Variants in SRBD1 observed in about 807,000 individuals in gnomAD.
SRBD1 encodes S1 RNA binding domain 1, also known as S1 RNA-binding domain-containing protein 1.
A neutral mutation model predicts 115.3 loss-of-function variants in SRBD1; 88 were observed. The observed-to-expected ratio is 0.76, with a 90% CI of 0.64 to 0.91. SRBD1 has a LOEUF of 0.91. Among genes scored for constraint, SRBD1 ranks in the 40% least tolerant of loss-of-function variants. SRBD1 has a pLI of 0.00. For synonymous variants in SRBD1, 509 were observed against 407.7 expected (o/e 1.25, Z -2.99); for missense variants, 1,385 against 1,177.4 (o/e 1.18, Z -2.58).
chr2:45,556,323 G>C (rs747435770), intron 10 of SRBD1, among the ~76,000 whole-genome samples: 4 of 151,844 alleles, frequency 2.6e-5, no homozygotes, highest in South Asian at 2.1e-4. Flanking sequence ...CAAATGTATG[G>C]CACAATAAAT....
intron 4 of SRBD1, among the ~76,000 whole-genome samples, chr2:45,591,246 C>A (rs1397737639): frequency 6.6e-6 from 1 of 152,136 alleles, no homozygotes; most frequent in African/African-American, 2.4e-5. Context: ...AGATTGATAA[C>A]CTAGTTCATC....
intron 2 of SRBD1, among the ~76,000 whole-genome samples, chr2:45,602,712 A>C (rs555848387): frequency 2.8e-4 from 43 of 152,058 alleles, no homozygotes; most frequent in African/African-American, 9.1e-4. Flanking sequence ...GAGAAAAAGC[A>C]GCCATGGGAA....
intron 7 of SRBD1, among the ~76,000 whole-genome samples, chr2:45,576,628 A>C (rs1673187071): frequency 6.6e-6 from 1 of 152,208 alleles, no homozygotes; most frequent in African/African-American, 2.4e-5. Context: ...AATGGACTTA[A>C]AACAGCTATA....
chr2:45,498,025 G>T (rs963085572), intron 14 of SRBD1, among the ~76,000 whole-genome samples: 5 of 152,104 alleles, frequency 3.3e-5, no homozygotes, highest in Admixed American at 2.6e-4. Context: ...CTACCTAGGT[G>T]CAATGAATGA....
intron 16 of SRBD1, among the ~76,000 whole-genome samples, chr2:45,436,074 A>G (rs1424307146): frequency 1.3e-5 from 2 of 152,186 alleles, no homozygotes; most frequent in African/African-American, 4.8e-5. Context: ...AATATAATAT[A>G]TCTCAGGTAT....
intron 14 of SRBD1, among the ~76,000 whole-genome samples, chr2:45,489,657 A>C (rs558802295): frequency 7.2e-5 from 11 of 152,314 alleles, no homozygotes; most frequent in Non-Finnish European, 5.9e-5. Context: ...ACACAAAGCA[A>C]AAAAACACTT....
chr2:45,479,855 A>G (rs1040459085), intron 15 of SRBD1, among the ~76,000 whole-genome samples: 1 of 152,208 alleles, frequency 6.6e-6, no homozygotes, highest in African/African-American at 2.4e-5. Context: ...GGCTTCAAAG[A>G]TTCAAAAGAC....
intron 16 of SRBD1, among the ~76,000 whole-genome samples, chr2:45,428,003 A>C (rs1373756315): frequency 1.3e-5 from 2 of 152,212 alleles, no homozygotes; most frequent in Admixed American, 1.3e-4. Flanking sequence ...AGCAGACCTA[A>C]TAGACATCTA....
At position 45,498,071 on chromosome 2, in the gene SRBD1, C is replaced by T. The variant is rs955510313; in HGVS notation, c.1875-9740G>A. Among the ~76,000 whole-genome samples the T allele has an allele frequency of 3.3e-5, 5 of 152,268 alleles. No homozygotes were observed. In the East Asian group the frequency reaches 9.6e-4, roughly 29 times the overall value. On this transcript the variant is annotated intron_variant, in intron 14 of 20. Coordinates refer to ENST00000263736, the MANE Select transcript of SRBD1 (RefSeq NM_018079.5). Reference sequence around the variant, plus strand: ...TTGTTCATATCCTTGACAATACTTACTATTTGTCTCTCTTTTTACTATAGC... The same window carrying T: ...TTGTTCATATCCTTGACAATACTTATTATTTGTCTCTCTTTTTACTATAGC...
Position 45,389,384 on chromosome 2 carries a change from T to C in SRBD1, c.2914A>G (p.Arg972Gly), listed in dbSNP as rs1666934748. 6.2e-7 allele frequency: 1 copy of C among 1,613,986 alleles called. No homozygotes were observed. The highest frequency in any genetic ancestry group is 1.3e-5 in the African/African-American group (1 of 74,932). The change falls in exon 21 of 21, where the codon AGA becomes GGA. Residue 972 changes from arginine to glycine, a missense_variant. Arg to Gly is a moderately radical substitution (Grantham distance 125). Coordinates refer to ENST00000263736, the MANE Select transcript of SRBD1 (RefSeq NM_018079.5). ...RRSLGLGPGERVEVQVLNIDI... is the reference protein window; with the variant it reads ...RRSLGLGPGEGVEVQVLNIDI... Reference sequence around the variant, plus strand: ...ATGTTGAGTACTTGGACTTCCACTCTTTCTCCGGGGCCCAGTCCAAGGCTT... The same window carrying C: ...ATGTTGAGTACTTGGACTTCCACTCCTTCTCCGGGGCCCAGTCCAAGGCTT...
At chr2:45,433,309 A>G (rs1668393884) in intron 16 of SRBD1, among the ~76,000 whole-genome samples, 1 of 152,224 alleles carries the variant, frequency 6.6e-6, no homozygotes, top group Non-Finnish European at 1.5e-5. Flanking sequence ...TGTGTGAGGT[A>G]ATACATTTGT....
chr2:45,402,411 G>T (rs1355604222), intron 19 of SRBD1, among the ~76,000 whole-genome samples: 1 of 152,094 alleles, frequency 6.6e-6, no homozygotes, highest in Non-Finnish European at 1.5e-5. Flanking sequence ...AACATTGATT[G>T]TAAGGGTCAC....
At chr2:45,542,336 C>T (rs138071216) in intron 14 of SRBD1, among the ~76,000 whole-genome samples, 41 of 152,304 alleles carry the variant, frequency 2.7e-4, no homozygotes, top group African/African-American at 7.9e-4. Context: ...CAGGTACTTC[C>T]GAGCCTGCAG....
At chr2:45,392,759 C>T (rs1667038490) in intron 20 of SRBD1, among the ~76,000 whole-genome samples, 186 bp downstream of exon 20, 2 of 152,210 alleles carry the variant, frequency 1.3e-5, no homozygotes, top group African/African-American at 4.8e-5. Context: ...CACCTGGCTT[C>T]TAGCTTTGGC....
At chr2:45,608,629 C>G (rs1333942541) in intron 1 of SRBD1, among the ~76,000 whole-genome samples, 1 of 150,940 alleles carries the variant, frequency 6.6e-6, no homozygotes, top group East Asian at 1.9e-4. Context: ...CCAAACCGTG[C>G]CTTTAACATT....
chr2:45,594,617 C>T (rs114906545), intron 4 of SRBD1, among the ~76,000 whole-genome samples: 1,925 of 152,232 alleles, frequency 0.013, 50 homozygotes, highest in African/African-American at 0.043. Context: ...TCCCCAACCC[C>T]GGATCAGGAA....
intron 18 of SRBD1, among the ~76,000 whole-genome samples, chr2:45,415,702 A>G (rs1572614877): frequency 3.6e-4 from 2 of 5,588 alleles, no homozygotes; most frequent in African/African-American, 8.8e-4. Context: ...AGGAGAGGAG[A>G]GGAGAGGAGA....
chr2:45,415,696 G>T (rs1572614849), intron 18 of SRBD1, among the ~76,000 whole-genome samples: 2 of 4,120 alleles, frequency 4.9e-4, no homozygotes, highest in African/African-American at 1.2e-3. Context: ...CGGGAGAGGA[G>T]AGGAGAGGAG....
chr2:45,531,271 C>T (rs1048851805), intron 14 of SRBD1, among the ~76,000 whole-genome samples: 1 of 151,524 alleles, frequency 6.6e-6, no homozygotes. Flanking sequence ...CCATACTCAC[C>T]GTATATAAAT....
Sources: gnomAD v4.1 joint callset for allele counts (sites outside exome capture counted in the v4.1 genomes callset) on GRCh38, gnomAD v4.1.1 for gene constraint, MANE v1.5 for transcripts, NCBI Gene and HGNC (gene_info 2026-07-23, HGNC 2026-07-21) for gene names.